The following TMEM87B variants were observed in gnomAD, a reference collection of about 807,000 sequenced individuals.
The protein encoded by TMEM87B is transmembrane protein 87B.
TMEM87B carries 83 observed loss-of-function variants against 80.3 expected under a neutral mutation model. That is an observed-to-expected ratio of 1.03 (90% CI 0.87 to 1.24). TMEM87B has a LOEUF of 1.24. Ranked by LOEUF, TMEM87B falls within the 50% of genes most tolerant of loss-of-function variation. The probability of loss-of-function intolerance (pLI) is 0.00; values close to 1 mark genes in which losing one functional copy is unlikely to be tolerated. For synonymous variants in TMEM87B, 219 were observed against 230.5 expected (o/e 0.95, Z 0.45); for missense variants, 625 against 674.4 (o/e 0.93, Z 0.81).
At chr2:112,064,017 A>G in intron 2 of TMEM87B, 145 bp from the exon 3 acceptor site, 1 of 625,882 alleles carries the variant, frequency 1.6e-6, no homozygotes, top group East Asian at 2.8e-5. Flanking sequence ...GTCTCACTTT[A>G]CAGTGACTTT....
At chr2:112,096,991 T>A (rs972563828) in intron 11 of TMEM87B, 53 bp from the exon 12 acceptor site, 10 of 1,233,542 alleles carry the variant, frequency 8.1e-6, no homozygotes, top group Non-Finnish European at 1.0e-5. Context: ...ATTCTGTTTT[T>A]TTTTTTTAAC....
At chr2:112,094,802 C>T (rs987797353) in intron 11 of TMEM87B, among the ~76,000 whole-genome samples, 1 of 152,186 alleles carries the variant, frequency 6.6e-6, no homozygotes, top group Admixed American at 6.5e-5. Context: ...GTGTCTATTT[C>T]TGCATGAGCC....
chr2:112,072,898 T>C lies in TMEM87B; in HGVS notation c.451-2014T>C, dbSNP rs1341494248. On this transcript the variant is annotated intron_variant, in intron 4 of 18. Transcript: ENST00000283206. ...TGAGATCTTTTTAACTCTTCTTCTT[T>C]TTTTTTTTTTTTTTTTTTTGAGACA... 2.4e-4 allele frequency among the ~76,000 whole-genome samples: 34 copies of C among 141,302 alleles called. No individual in the cohort carries two copies. In the East Asian group the frequency reaches 5.2e-3, roughly 21 times the overall value. The allele number at this position is 141,302 out of a possible 152,430, so 92.7% of individuals were successfully genotyped here.
At chr2:112,086,146 G>A (rs757753560) in intron 9 of TMEM87B, 42 bp downstream of exon 9, 1 of 1,498,142 alleles carries the variant, frequency 6.7e-7, no homozygotes, top group Non-Finnish European at 9.3e-7. Flanking sequence ...TCCCAGCCCA[G>A]TGATTCAGTC....
At chr2:112,081,159 T>C in intron 7 of TMEM87B, 41 bp downstream of exon 7, 2 of 1,575,462 alleles carry the variant, frequency 1.3e-6, no homozygotes, top group Non-Finnish European at 8.7e-7. Flanking sequence ...AAAAAATGAA[T>C]TTTATACCCT....
intron 3 of TMEM87B, among the ~76,000 whole-genome samples, chr2:112,065,675 G>A (rs1020891107): frequency 1.6e-4 from 24 of 148,324 alleles, no homozygotes; most frequent in Admixed American, 3.4e-4. Context: ...AAGTTCACCA[G>A]TGTCCCAATA....
At chr2:112,066,895 G>A (rs1678452201) in intron 3 of TMEM87B, 41 bp from the exon 4 acceptor site, 3 of 1,498,286 alleles carry the variant, frequency 2.0e-6, no homozygotes, top group African/African-American at 1.4e-5. Flanking sequence ...AGGATAAGAA[G>A]TGTGGGAATA....
In TMEM87B at chr2:112,086,063, C is replaced by G; in HGVS notation, c.897C>G (p.Arg299=). Residue 299 remains arginine (R), a synonymous_variant, in exon 9 of 19, where the codon CGC becomes CGG. Transcript: ENST00000283206. ...LISAIKRTLA[R]LLVIIVSLGY... is the part of the protein sequence containing the mutation. ...CTGCGATTAAGAGGACGTTGGCTCGCCTTCTCGTGATCATTGTGAGCCTGG... is the reference window on the plus strand; with the variant it reads ...CTGCGATTAAGAGGACGTTGGCTCGGCTTCTCGTGATCATTGTGAGCCTGG... The G allele has an allele frequency of 1.2e-6, 2 of 1,614,194 alleles. No homozygotes were observed. The highest frequency in any genetic ancestry group is 1.7e-5 in the Admixed American group (1 of 60,028).
chr2:112,113,000 G>C, intron 18 of TMEM87B, 71 bp downstream of exon 18: 1 of 1,380,232 alleles, frequency 7.2e-7, no homozygotes, highest in Non-Finnish European at 1.0e-6. Context: ...TCAGAAAGAA[G>C]TTCTGAAAGC....
intron 1 of TMEM87B, 143 bp downstream of exon 1, chr2:112,055,899 T>C: frequency 8.7e-7 from 1 of 1,153,706 alleles, no homozygotes; most frequent in Non-Finnish European, 1.1e-6. Flanking sequence ...GCCTTTTGTC[T>C]GTTACAGCCG....
rs1678453125 is a variant in TMEM87B at position 112,066,918 on chromosome 2, G to T, written c.319-18G>T. 6.4e-7 allele frequency: 1 copy of T among 1,556,120 alleles called. No homozygotes were observed. Among genetic ancestry groups the T allele is most frequent in the East Asian group, 2.3e-5 (1 of 43,054 alleles). On this transcript the variant is annotated intron_variant, in intron 3 of 18. Transcript: ENST00000283206. ...AAGTGTGGGAATAAATTATAACATA[G>T]AATTTTACCTTATATAGGAGCTGTT...
intron 11 of TMEM87B, chr2:112,095,257 C>T: frequency 2.1e-6 from 2 of 962,328 alleles, no homozygotes; most frequent in Non-Finnish European, 2.4e-6. Flanking sequence ...TTCTTCTGGC[C>T]AGCCTCCCCC....
chr2:112,058,856 C>T (rs1396716876), intron 1 of TMEM87B, among the ~76,000 whole-genome samples: 36 of 152,080 alleles, frequency 2.4e-4, no homozygotes, highest in Non-Finnish European at 5.9e-5. Context: ...GTAGGCATGC[C>T]TTGGGGATTG....
At position 112,085,811 on chromosome 2, in the gene TMEM87B, T is replaced by C. The variant is rs141488852; in HGVS notation, c.839-194T>C. Among the ~76,000 whole-genome samples, 15 of 152,052 alleles carry C rather than the reference T, an allele frequency of 9.9e-5. No homozygotes were observed. The East Asian group carries it at 2.9e-3, about 29-fold the overall frequency. On this transcript the variant is annotated intron_variant, in intron 8 of 18. Transcript: ENST00000283206. ...TGGAGCAGATTAGATAGATAGGGAG[T>C]GAATTCTTGAGGCGAGTATGAATCC...
chr2:112,073,781 G>A (rs911088843), intron 4 of TMEM87B, among the ~76,000 whole-genome samples: 3 of 152,146 alleles, frequency 2.0e-5, no homozygotes. Flanking sequence ...GTACTCCTGT[G>A]TTGGGTGCAT....
At chr2:112,062,953 G>C (rs995759314) in intron 2 of TMEM87B, among the ~76,000 whole-genome samples, 4 of 152,168 alleles carry the variant, frequency 2.6e-5, no homozygotes, top group African/African-American at 9.7e-5. Flanking sequence ...AGAAACTCCA[G>C]GGGATCACTA....
At chr2:112,070,234 C>G (rs1388561401) in intron 4 of TMEM87B, among the ~76,000 whole-genome samples, 2 of 152,130 alleles carry the variant, frequency 1.3e-5, no homozygotes, top group African/African-American at 4.8e-5. Context: ...GCAACTTTGT[C>G]ATGAAATCGT....
chr2:112,107,837 A>C lies in TMEM87B; in HGVS notation c.1574A>C (p.Asp525Ala). 6.3e-7 allele frequency: 1 copy of C among 1,582,942 alleles called. No homozygotes were observed. Among genetic ancestry groups the C allele is most frequent in the Non-Finnish European group, 8.6e-7 (1 of 1,156,324 alleles). Residue 525 changes from aspartate (D) to alanine (A), a missense_variant, in exon 17 of 19, where the codon GAT becomes GCT. Coordinates refer to ENST00000283206, the MANE Select transcript of TMEM87B (RefSeq NM_032824.3). ...GAAAATATTCCCTCTTCATTCACAGATGTGTAAGTTATCTTCTGTTACAGT... is the reference window on the plus strand; with the variant it reads ...GAAAATATTCCCTCTTCATTCACAGCTGTGTAAGTTATCTTCTGTTACAGT... Reference protein sequence around the residue: ...VEENIPSSFTDVALPVLVDSD... With the variant: ...VEENIPSSFTAVALPVLVDSD...
chr2:112,096,790 T>C (rs1378767895), intron 11 of TMEM87B, among the ~76,000 whole-genome samples: 3 of 152,208 alleles, frequency 2.0e-5, no homozygotes, highest in Non-Finnish European at 4.4e-5. Context: ...GTGGAACGCA[T>C]CATGGGTCTT....
Sources: gnomAD v4.1 joint callset for allele counts (sites outside exome capture counted in the v4.1 genomes callset) on GRCh38, gnomAD v4.1.1 for gene constraint, MANE v1.5 for transcripts, NCBI Gene and HGNC (gene_info 2026-07-23, HGNC 2026-07-21) for gene names.